Variants in SRM observed in about 807,000 individuals in gnomAD.
SRM encodes spermidine synthase.
In SRM, 14 loss-of-function variants were observed where a neutral mutation model predicts 39.3. The observed-to-expected ratio is 0.36, with a 90% CI of 0.24 to 0.56. The LOEUF (loss-of-function observed/expected upper bound fraction) is 0.56. Among genes scored for constraint, SRM ranks in the 20% least tolerant of loss-of-function variants. SRM has a pLI of 0.86. For missense variants in SRM, 244 were observed against 409.2 expected, an observed-to-expected ratio of 0.60 and a Z score of 3.48; for synonymous variants, 195 against 173.1, an observed-to-expected ratio of 1.13 and a Z score of -0.99.
intron 5 of SRM, 24 bp downstream of exon 5, chr1:11,055,987 C>CAGT (rs1491532372): frequency 3.8e-6 from 6 of 1,593,274 alleles, no homozygotes; most frequent in Non-Finnish European, 5.1e-6. Context: ...CGCCCCGCCC[C>CAGT]AGTGCTCCAG....
chr1:11,059,800 G>C lies in SRM; in HGVS notation c.144C>G (p.Tyr48Ter), dbSNP rs1638948844. The change falls in exon 1 of 8, where the codon TAC (tyrosine) becomes TAG (stop). Residue 48 changes from tyrosine (Y) to a stop codon, truncating the protein, a stop_gained. Transcript: ENST00000376957. LOFTEE classifies it high-confidence loss of function. ...ACCTGCGGAAGACGAGGATGTCCTG[G>C]TAGCGCGAGCGCCGGTGGTGGAGCA... Reference protein sequence around the residue: ...EQLLHHRRSRYQDILVFRSKT... With the variant: ...EQLLHHRRSR The C allele has an allele frequency of 6.3e-7, 1 of 1,579,198 alleles. No individual in the cohort carries two copies. The highest frequency in any genetic ancestry group is 1.4e-5 in the African/African-American group (1 of 71,584).
chr1:11,057,379 C>T (rs1638897776), intron 3 of SRM, among the ~76,000 whole-genome samples: 1 of 151,656 alleles, frequency 6.6e-6, no homozygotes, highest in South Asian at 2.1e-4. Flanking sequence ...AGTGCAGTGG[C>T]ACGATCTCAG....
At position 11,056,046 on chromosome 1, in the gene SRM, G is replaced by A; in HGVS notation, c.584C>T (p.Thr195Ile). 6.2e-7 allele frequency: 1 copy of A among 1,613,258 alleles called. No individual in the cohort carries two copies. Among genetic ancestry groups the A allele is most frequent in the Non-Finnish European group, 8.5e-7 (1 of 1,179,616 alleles). ...FKESYYQLMK[T>I]ALKEDGVLCC... ...GAGGACACCATCTTCCTTGAGGGCT[G>A]TCTTCATGAGCTGGTAATAGGACTC... Residue 195 changes from threonine to isoleucine, a missense_variant, in exon 5 of 8, where the codon ACA (threonine) becomes ATA (isoleucine). Transcript: ENST00000376957.
intron 3 of SRM, among the ~76,000 whole-genome samples, chr1:11,057,745 G>A (rs1638905923): frequency 6.6e-6 from 1 of 150,664 alleles, no homozygotes; most frequent in South Asian, 2.1e-4. Flanking sequence ...CCCCTGTCTT[G>A]CCTTCATCAG....
Position 11,055,616 on chromosome 1 carries a change from C to T in SRM, c.765+165G>A, listed in dbSNP as rs554351997. 8.5e-5 allele frequency among the ~76,000 whole-genome samples: 13 copies of T among 152,156 alleles called. No individual in the cohort carries two copies. The East Asian group carries it at 1.7e-3, about 20-fold the overall frequency. Reference sequence around the variant, plus strand: ...ATTTTTAGTAGAGACGGGGTTTCACCGTGTTAGCCAAGATGGTCTCGATCT... The same window carrying T: ...ATTTTTAGTAGAGACGGGGTTTCACTGTGTTAGCCAAGATGGTCTCGATCT... On this transcript the variant is annotated intron_variant, in intron 6 of 7. Coordinates refer to ENST00000376957, the MANE Select transcript of SRM (RefSeq NM_003132.3).
At chr1:11,058,351 G>C (rs1403001787) in intron 3 of SRM, among the ~76,000 whole-genome samples, 2 of 151,840 alleles carry the variant, frequency 1.3e-5, no homozygotes, top group African/African-American at 4.8e-5. Context: ...ACCTGTGGTC[G>C]CCAGGTCCGA....
chr1:11,057,673 G>A (rs1473894433), intron 3 of SRM, among the ~76,000 whole-genome samples: 2 of 145,266 alleles, frequency 1.4e-5, no homozygotes, highest in African/African-American at 5.2e-5. Flanking sequence ...GCCACCTCCT[G>A]GAGGCCTGCC....
At chr1:11,059,564 C>G (rs1232992360) in intron 1 of SRM, 1 of 924,404 alleles carries the variant, frequency 1.1e-6, no homozygotes, top group Non-Finnish European at 1.6e-6. Context: ...AGGGCTGACA[C>G]GTGGAGCGGG....
intron 6 of SRM, 80 bp downstream of exon 6, chr1:11,055,701 C>T (rs1364496904): frequency 6.9e-7 from 1 of 1,452,594 alleles, no homozygotes; most frequent in African/African-American, 1.4e-5. Flanking sequence ...AGGTGTGAGC[C>T]ACCGCGCCCG....
In SRM at chr1:11,057,341, G is replaced by A. The variant is rs1051743302; in HGVS notation, c.382-584C>T. The stretch of plus-strand genomic sequence containing the variant: ...GCTTCCTATTTTATTTATTTTTCGA[G>A]ACAGTCTTGCTCTGCTGCCCAGGCT... On this transcript the variant is annotated intron_variant, in intron 3 of 7. Transcript: ENST00000376957. Among the ~76,000 whole-genome samples, 5 of 144,710 alleles carry A rather than the reference G, an allele frequency of 3.5e-5. No individual in the cohort carries two copies. The Admixed American group carries it at 3.5e-4, about 10-fold the overall frequency. The allele number at this position is 144,710 out of a possible 152,430, so 94.9% of individuals were successfully genotyped here. A position where few individuals can be genotyped will look rare whatever the true frequency, so the allele number is the denominator to read the frequency against.
chr1:11,059,212 G>T lies in SRM; in HGVS notation c.288+13C>A. 1.2e-6 allele frequency: 2 copies of T among 1,613,392 alleles called. No individual in the cohort carries two copies. The highest frequency in any genetic ancestry group is 8.5e-7 in the Non-Finnish European group (1 of 1,179,956). ...CCCCTCGTCCGGCACTGTTCCAGGG[G>T]ACACTGGGGTACCTTTCGCGGGTTG... On this transcript the variant is annotated intron_variant, in intron 2 of 7. Coordinates refer to ENST00000376957, the MANE Select transcript of SRM (RefSeq NM_003132.3).
chr1:11,054,600 T>TA lies in SRM; in HGVS notation c.*264dup, dbSNP rs1390188478. ...ACAGGACTCCAATCTTTGCTATAAA[T>TA]ACACGTGTTTGGTGAGTGAGGGGCA... On this transcript the variant is annotated 3_prime_UTR_variant, in exon 8 of 8. Transcript: ENST00000376957. The surrounding 1 kb of genome is among the most constrained non-coding windows in gnomAD (Gnocchi z 4.8). 3 of 521,940 alleles carry TA rather than the reference T, an allele frequency of 5.7e-6. No individual in the cohort carries two copies. The highest frequency in any genetic ancestry group is 3.9e-5 in the African/African-American group (2 of 51,430). 32.3% of individuals were successfully genotyped at this position (521,940 alleles called of 1,614,324 possible). A position where few individuals can be genotyped will look rare whatever the true frequency, so the allele number is the denominator to read the frequency against.
chr1:11,058,498 T>G (rs1489668296), intron 3 of SRM, among the ~76,000 whole-genome samples: 4 of 148,826 alleles, frequency 2.7e-5, no homozygotes, highest in Non-Finnish European at 5.9e-5. Flanking sequence ...GAGGTGGAGG[T>G]TGCAGTGAGC....
chr1:11,055,242 G>A lies in SRM; in HGVS notation c.766-158C>T, dbSNP rs532212459. ...AAGTGATTCTCCTGCCTCAGCCTCA[G>A]GTACGCGCCACCACGCCCGGCTAAT... On this transcript the variant is annotated intron_variant, in intron 6 of 7. Coordinates refer to ENST00000376957, the MANE Select transcript of SRM (RefSeq NM_003132.3). The A allele has an allele frequency of 1.5e-3, 1,686 of 1,128,800 alleles. 2 individuals are homozygous for A. Among genetic ancestry groups the A allele is most frequent in the Non-Finnish European group, 1.7e-3 (1,437 of 837,670 alleles). The allele number at this position is 1,128,800 out of a possible 1,614,324, so 69.9% of individuals were successfully genotyped here.
At chr1:11,056,161 AC>A in intron 4 of SRM, 67 bp from the exon 5 acceptor site, 1 of 1,430,110 alleles carries the variant, frequency 7.0e-7, no homozygotes, top group Non-Finnish European at 9.4e-7. Flanking sequence ...TGTCACCCAC[AC>A]AGCTACCAGG....
chr1:11,057,840 G>C (rs568453569), intron 3 of SRM, among the ~76,000 whole-genome samples: 1 of 151,702 alleles, frequency 6.6e-6, no homozygotes, highest in African/African-American at 2.4e-5. Flanking sequence ...GTGCAGTGGC[G>C]AGATCTCGGT....
intron 6 of SRM, 44 bp from the exon 7 acceptor site, chr1:11,055,128 T>C (rs768424144): frequency 6.5e-7 from 1 of 1,533,770 alleles, no homozygotes; most frequent in East Asian, 2.3e-5. Context: ...CACTTTTTTT[T>C]TTTTTTTTTT....
Position 11,059,906 on chromosome 1 carries a change from G to C in SRM, c.38C>G (p.Pro13Arg). Residue 13 changes from proline to arginine, a missense_variant, in exon 1 of 8, where the codon CCC becomes CGC. Transcript: ENST00000376957. ...GAACCAGCCCTCGCGGATGGCGGCG[G>C]GGCCGGAGGCGGCGGGGCCGTCGGG... Reference protein sequence around the residue: ...PGPDGPAASGPAAIREGWFRE... With the variant: ...PGPDGPAASGRAAIREGWFRE... 7.1e-7 allele frequency: 1 copy of C among 1,404,138 alleles called. No individual in the cohort carries two copies. The highest frequency in any genetic ancestry group is 9.3e-7 in the Non-Finnish European group (1 of 1,077,922). 87.0% of individuals were successfully genotyped at this position (1,404,138 alleles called of 1,614,324 possible).
At chr1:11,058,618 TG>T (rs1638921479) in intron 3 of SRM, 181 bp downstream of exon 3, 2 of 471,980 alleles carry the variant, frequency 4.2e-6, no homozygotes, top group Non-Finnish European at 7.5e-6. Context: ...GCCACGCAGG[TG>T]CCCTCACCAC....
Sources: allele counts gnomAD v4.1 joint callset (sites outside exome capture counted in the v4.1 genomes callset), GRCh38; gene constraint gnomAD v4.1.1; non-coding constraint Gnocchi (gnomAD v3.1); transcripts MANE v1.5; gene names NCBI Gene and HGNC (gene_info 2026-07-23, HGNC 2026-07-21).